NRG1: variants seen among roughly 807,000 people sequenced by gnomAD.
NRG1 encodes pro-neuregulin-1, membrane-bound isoform.
In NRG1, 18 loss-of-function variants were observed where a neutral mutation model predicts 63.8. That is an observed-to-expected ratio of 0.28 (90% confidence interval 0.19 to 0.42). The LOEUF is 0.42. Among genes scored for constraint, NRG1 ranks in the 10% least tolerant of loss-of-function variants. The pLI is 1.00. For synonymous variants in NRG1, 302 were observed against 301.3 expected, an observed-to-expected ratio of 1.00 and a Z score of -0.02; for missense variants, 762 against 814.7, an observed-to-expected ratio of 0.94 and a Z score of 0.79.
intron 1 of NRG1, among the ~76,000 whole-genome samples, chr8:31,675,809 A>G (rs1430714123): frequency 6.6e-6 from 1 of 152,168 alleles, no homozygotes; most frequent in Non-Finnish European, 1.5e-5. Context: ...CATCTCTGTG[A>G]AGAATTATTA....
chr8:32,403,606 A>G (rs914862568), intron 1 of NRG1, among the ~76,000 whole-genome samples: 1 of 152,208 alleles, frequency 6.6e-6, no homozygotes, highest in Non-Finnish European at 1.5e-5. Flanking sequence ...CCTGCTCGAA[A>G]GTCTCCTTTA....
intron 1 of NRG1, among the ~76,000 whole-genome samples, chr8:32,094,810 C>A (rs1415753966): frequency 6.7e-6 from 1 of 149,272 alleles, no homozygotes; most frequent in Non-Finnish European, 1.5e-5. Context: ...TAAATCGTTT[C>A]TGGCACCAAC....
intron 1 of NRG1, among the ~76,000 whole-genome samples, chr8:31,720,250 T>A (rs1812771346): frequency 1.3e-5 from 2 of 152,268 alleles, no homozygotes; most frequent in African/African-American, 2.4e-5. Context: ...GTGGAGTGAC[T>A]GATACATTGC....
chr8:31,790,882 A>T (rs1416197116), intron 1 of NRG1, among the ~76,000 whole-genome samples: 1 of 152,214 alleles, frequency 6.6e-6, no homozygotes, highest in Non-Finnish European at 1.5e-5. Flanking sequence ...GCAGGTCATG[A>T]TTCTCAGCAC....
At chr8:31,894,514 T>C (rs925184589) in intron 1 of NRG1, among the ~76,000 whole-genome samples, 2 of 151,964 alleles carry the variant, frequency 1.3e-5, no homozygotes, top group African/African-American at 4.8e-5. Context: ...TAGGTTATCA[T>C]TGAGTAGTGA....
chr8:32,461,795 C>A (rs970926668), intron 1 of NRG1, among the ~76,000 whole-genome samples: 1 of 152,308 alleles, frequency 6.6e-6, no homozygotes, highest in East Asian at 1.9e-4. Context: ...ACTTAATAAT[C>A]TAACCAACTA....
intron 1 of NRG1, among the ~76,000 whole-genome samples, chr8:32,286,314 A>C (rs942300470): frequency 1.3e-5 from 2 of 152,138 alleles, no homozygotes; most frequent in Non-Finnish European, 2.9e-5. Flanking sequence ...GCTGATCTTG[A>C]ATGGGCTCTT....
rs1261333436 is a variant in NRG1, at chr8:31,661,789, G to A, written c.37+22358G>A. Reference sequence around the variant, plus strand: ...ACAGAAAAAGTCTTTGACATAGCATGACTTAGGATCTCCATATTCATAGTT... The same window carrying A: ...ACAGAAAAAGTCTTTGACATAGCATAACTTAGGATCTCCATATTCATAGTT... On this transcript the variant is annotated intron_variant, in intron 1 of 10. Transcript: ENST00000519301. Among the ~76,000 whole-genome samples, 15 of 152,220 alleles carry A rather than the reference G, an allele frequency of 9.9e-5. 1 individual carries two copies. The highest frequency in any genetic ancestry group is 9.8e-4 in the Admixed American group (15 of 15,278).
At chr8:32,463,069 G>T (rs1355794651) in intron 1 of NRG1, among the ~76,000 whole-genome samples, 4 of 146,568 alleles carry the variant, frequency 2.7e-5, no homozygotes, top group Non-Finnish European at 6.0e-5. Flanking sequence ...CAGTAGTTTT[G>T]TTTCTATGTC....
intron 5 of NRG1, among the ~76,000 whole-genome samples, chr8:32,695,312 G>C (rs1035702192): frequency 6.6e-6 from 1 of 151,920 alleles, no homozygotes; most frequent in African/African-American, 2.4e-5. Context: ...CTGCACTCCA[G>C]CATGGGTGAC....
chr8:32,109,519 C>T (rs1401653633), intron 1 of NRG1, among the ~76,000 whole-genome samples: 1 of 152,148 alleles, frequency 6.6e-6, no homozygotes. Context: ...TTTCCTAGTT[C>T]TGTGTTGTTG....
intron 1 of NRG1, among the ~76,000 whole-genome samples, chr8:32,347,734 T>C (rs1248988130): frequency 6.6e-6 from 1 of 152,212 alleles, no homozygotes; most frequent in Non-Finnish European, 1.5e-5. Context: ...ATGTTCTGCA[T>C]TAAATAAATC....
intron 1 of NRG1, among the ~76,000 whole-genome samples, chr8:32,222,943 C>T (rs1330709909): frequency 6.6e-6 from 1 of 152,192 alleles, no homozygotes; most frequent in Non-Finnish European, 1.5e-5. Flanking sequence ...AATCCGAGAA[C>T]AGCCTGCATT....
intron 1 of NRG1, among the ~76,000 whole-genome samples, chr8:32,234,092 C>T (rs1331884845): frequency 6.6e-6 from 1 of 152,156 alleles, no homozygotes; most frequent in Non-Finnish European, 1.5e-5. Flanking sequence ...AAATGAAATT[C>T]ATAAACAGAA....
chr8:31,994,944 TTAAC>T lies in NRG1; in HGVS notation c.37+355518_37+355521del, dbSNP rs560905025. On this transcript the variant is annotated intron_variant, in intron 1 of 10. Transcript: ENST00000519301. ...TTTTAAAAATCATAAAGATCTTTCT[TTAAC>T]TAACAGTAGAGGGATCTAGTGTTTC... Among the ~76,000 whole-genome samples the T allele has an allele frequency of 5.5e-3, 843 of 152,100 alleles. 3 individuals carry two copies. Among genetic ancestry groups the T allele is most frequent in the Non-Finnish European group, 8.4e-3 (568 of 67,928 alleles).
chr8:32,752,808 A>G (rs1828989623), intron 7 of NRG1, among the ~76,000 whole-genome samples: 1 of 151,776 alleles, frequency 6.6e-6, no homozygotes, highest in East Asian at 1.9e-4. Context: ...CTAGTCCTTT[A>G]CCCACTGACT....
intron 1 of NRG1, among the ~76,000 whole-genome samples, chr8:32,148,914 A>G (rs1563841291): frequency 1.3e-5 from 2 of 152,166 alleles, no homozygotes; most frequent in African/African-American, 4.8e-5. Flanking sequence ...CTAAACTCCT[A>G]AGATCAGGGT....
At chr8:32,442,727 G>A (rs570910237) in intron 1 of NRG1, 3 of 152,250 alleles carry the variant, frequency 2.0e-5, no homozygotes, top group African/African-American at 4.8e-5. Flanking sequence ...AGAAATAGAT[G>A]TATTGAGGAC....
At chr8:31,963,815 A>G (rs1805869045) in intron 1 of NRG1, among the ~76,000 whole-genome samples, 1 of 152,208 alleles carries the variant, frequency 6.6e-6, no homozygotes, top group East Asian at 1.9e-4. Context: ...CTCAGGGGTT[A>G]CTGGTTGAGA....
Sources: gnomAD v4.1 joint callset for allele counts (sites outside exome capture counted in the v4.1 genomes callset) on GRCh38, gnomAD v4.1.1 for gene constraint, MANE v1.5 for transcripts, NCBI Gene and HGNC (gene_info 2026-07-23, HGNC 2026-07-21) for gene names.